Variants in GPHN observed in about 807,000 individuals in gnomAD.
The protein encoded by GPHN is gephyrin.
A neutral mutation model predicts 95.5 loss-of-function variants in GPHN; 17 were observed. The ratio of observed to expected loss-of-function variants is 0.18; its 90% CI spans 0.12 to 0.27. The LOEUF is 0.27. Among genes scored for constraint, GPHN ranks in the 10% least tolerant of loss-of-function variants. The probability of loss-of-function intolerance (pLI) is 1.00; values close to 1 mark genes in which losing one functional copy is unlikely to be tolerated. For missense variants in GPHN, 660 were observed against 978.1 expected, an observed-to-expected ratio of 0.67 and a Z score of 4.34; for synonymous variants, 320 against 322.5, an observed-to-expected ratio of 0.99 and a Z score of 0.08.
chr14:66,956,974 G>T lies in GPHN; in HGVS notation c.829-8217G>T, dbSNP rs866015546. The stretch of plus-strand genomic sequence containing the variant: ...CTCTGGGGACTGTTGTGGGGTGGGG[G>T]GAGGGGGGAGGGATAGCACTGGGAG... On this transcript the variant is annotated intron_variant, in intron 8 of 22. Coordinates refer to ENST00000478722, the MANE Select transcript of GPHN (RefSeq NM_020806.5). Among the ~76,000 whole-genome samples, 342 of 107,478 alleles carry T rather than the reference G, an allele frequency of 3.2e-3. 8 individuals carry two copies. Among genetic ancestry groups the T allele is most frequent in the African/African-American group, 0.011 (329 of 28,670 alleles). The allele number at this position is 107,478 out of a possible 152,430, so 70.5% of individuals were successfully genotyped here.
intron 15 of GPHN, 108 bp from the exon 16 acceptor site, chr14:67,112,910 G>T: frequency 1.1e-6 from 1 of 926,130 alleles, no homozygotes; most frequent in Non-Finnish European, 1.8e-6. Flanking sequence ...TTTATTTCTA[G>T]ACTTTTTTGT....
chr14:67,675,396 C>A, the GPHN span, among the ~76,000 whole-genome samples: 1 of 151,774 alleles, frequency 6.6e-6, no homozygotes, highest in Admixed American at 6.6e-5. Context: ...CCCAGCTACC[C>A]CCGGAGGCTG....
At chr14:67,705,133 T>C in the GPHN span, among the ~76,000 whole-genome samples, 1 of 152,224 alleles carries the variant, frequency 6.6e-6, no homozygotes, top group Non-Finnish European at 1.5e-5. Flanking sequence ...TAAAGCTGGG[T>C]GTATTCCAAA....
intron 11 of GPHN, among the ~76,000 whole-genome samples, chr14:67,088,628 A>G (rs1056052565): frequency 3.3e-5 from 5 of 152,214 alleles, no homozygotes; most frequent in Non-Finnish European, 5.9e-5. Flanking sequence ...AAGTGAAACT[A>G]CTAGGTCAAT....
intron 4 of GPHN, among the ~76,000 whole-genome samples, chr14:66,860,894 T>C (rs1275043701): frequency 6.6e-6 from 1 of 151,510 alleles, no homozygotes; most frequent in Non-Finnish European, 1.5e-5. Context: ...TACAAAAAAA[T>C]ATATAAAGCA....
chr14:66,927,096 G>T (rs956174250), intron 8 of GPHN, among the ~76,000 whole-genome samples: 5 of 152,044 alleles, frequency 3.3e-5, no homozygotes, highest in African/African-American at 1.2e-4. Flanking sequence ...GCTTACACAT[G>T]TAAGCACTTT....
intron 9 of GPHN, among the ~76,000 whole-genome samples, chr14:66,972,341 A>C (rs1355414836): frequency 1.3e-5 from 2 of 151,782 alleles, no homozygotes; most frequent in Non-Finnish European, 2.9e-5. Context: ...AGCAACAAAT[A>C]GTTTTTTCTT....
the GPHN span, among the ~76,000 whole-genome samples, chr14:67,388,712 CTCTG>C: frequency 1.3e-4 from 20 of 152,254 alleles, no homozygotes; most frequent in African/African-American, 4.8e-4. Context: ...CGGAGTCTCA[CTCTG>C]TCTTTCAGGC....
At chr14:67,563,528 G>T in the GPHN span, among the ~76,000 whole-genome samples, 2 of 152,018 alleles carry the variant, frequency 1.3e-5, no homozygotes, top group Non-Finnish European at 2.9e-5. Context: ...CTGCCTCCTG[G>T]GTTCAATCAA....
intron 8 of GPHN, among the ~76,000 whole-genome samples, chr14:66,928,308 T>C (rs957267556): frequency 1.5e-4 from 23 of 152,200 alleles, no homozygotes; most frequent in African/African-American, 4.8e-4. Context: ...TTCCAACTTA[T>C]TGGCATATAG....
the GPHN span, chr14:67,727,487 T>TG: frequency 3.0e-6 from 1 of 329,368 alleles, no homozygotes; most frequent in Non-Finnish European, 5.8e-6. Flanking sequence ...TTTTTTTTGT[T>TG]TTTTTTTTTT....
At position 67,113,264 on chromosome 14, in the gene GPHN, G is replaced by A. The variant is rs996927112; in HGVS notation, c.1626+93G>A. The stretch of plus-strand genomic sequence containing the variant: ...TCTGTGTTGTAAATAGAATGTTGTA[G>A]ATTATAGATCATACCAGTGGATCCA... On this transcript the variant is annotated intron_variant, in intron 16 of 22. Transcript: ENST00000478722. 4.3e-6 allele frequency: 5 copies of A among 1,168,442 alleles called. No individual in the cohort carries two copies. The Admixed American group carries it at 8.5e-5, about 20-fold the overall frequency. 72.4% of individuals were successfully genotyped at this position (1,168,442 alleles called of 1,614,324 possible). A position where few individuals can be genotyped will look rare whatever the true frequency, so the allele number is the denominator to read the frequency against.
chr14:67,346,457 G>A, the GPHN span, among the ~76,000 whole-genome samples: 1 of 152,108 alleles, frequency 6.6e-6, no homozygotes. Flanking sequence ...GACCACAGGC[G>A]CATGCCACCA....
At chr14:67,619,848 T>G in the GPHN span, 1 of 618,324 alleles carries the variant, frequency 1.6e-6, no homozygotes. Flanking sequence ...GCGGGGCCAA[T>G]GTGGCGGTGA....
chr14:67,395,664 G>A, the GPHN span: 1 of 1,148,574 alleles, frequency 8.7e-7, no homozygotes, highest in Middle Eastern at 2.6e-4. Flanking sequence ...GGGGCCCCGG[G>A]AGAATCTAGG....
intron 9 of GPHN, among the ~76,000 whole-genome samples, chr14:67,010,375 CCT>C (rs1363922481): frequency 2.1e-4 from 32 of 150,720 alleles, no homozygotes; most frequent in Admixed American, 6.6e-5. Context: ...ACGGTGAAAC[CCT>C]GTCTCTACTA....
At chr14:67,731,046 TTAAA>T in the GPHN span, among the ~76,000 whole-genome samples, 6 of 152,306 alleles carry the variant, frequency 3.9e-5, no homozygotes, top group East Asian at 7.7e-4. Flanking sequence ...TATTTGTGGG[TTAAA>T]TAAAGTACAT....
intron 13 of GPHN, among the ~76,000 whole-genome samples, chr14:67,104,312 G>C (rs1464739725): frequency 6.6e-6 from 1 of 152,128 alleles, no homozygotes; most frequent in Non-Finnish European, 1.5e-5. Flanking sequence ...TTGGCCTATA[G>C]TTTTCCTTTT....
chr14:67,540,500 GCCTGTAAT>G, the GPHN span, among the ~76,000 whole-genome samples: 1 of 151,712 alleles, frequency 6.6e-6, no homozygotes, highest in Non-Finnish European at 1.5e-5. Context: ...GATGGTGCAC[GCCTGTAAT>G]CCAGCTTCTC....
Sources: gnomAD v4.1 joint callset for allele counts (sites outside exome capture counted in the v4.1 genomes callset) on GRCh38, gnomAD v4.1.1 for gene constraint, MANE v1.5 for transcripts, NCBI Gene and HGNC (gene_info 2026-07-23, HGNC 2026-07-21) for gene names.